The following STX3 variants were observed in gnomAD, a reference collection of about 807,000 sequenced individuals.
The protein encoded by STX3 is syntaxin-3.
In STX3, 19 loss-of-function variants were observed where a neutral mutation model predicts 40.2. The ratio of observed to expected loss-of-function variants is 0.47; its 90% CI spans 0.33 to 0.69. The LOEUF is 0.69. STX3 is among the 30% of genes least tolerant of loss of function. STX3 has a pLI of 0.02. For missense variants in STX3, 364 were observed against 366.7 expected (o/e 0.99, Z 0.06); for synonymous variants, 122 against 132.2 (o/e 0.92, Z 0.53).
intron 8 of STX3, among the ~76,000 whole-genome samples, chr11:59,793,715 C>A (rs1401051274): frequency 6.6e-6 from 1 of 152,102 alleles, no homozygotes. Context: ...TTAACCTTGT[C>A]ATTCTTGCCT....
In STX3 at chr11:59,802,081, C is replaced by A; in HGVS notation, c.*1257C>A. ...GCCTATGCTAGGCTTGTCCTGAGAA[C>A]ATCCCTCAGTAACTTGATATTCACA... is the stretch of plus-strand genomic sequence containing the variant. On this transcript the variant is annotated 3_prime_UTR_variant, in exon 11 of 11. Transcript: ENST00000337979. The A allele has an allele frequency of 1.0e-6, 1 of 985,448 alleles. No homozygotes were observed. Among genetic ancestry groups the A allele is most frequent in the Non-Finnish European group, 1.2e-6 (1 of 829,938 alleles). The allele number at this position is 985,448 out of a possible 1,614,324, so 61.0% of individuals were successfully genotyped here. A position where few individuals can be genotyped will look rare whatever the true frequency, so the allele number is the denominator to read the frequency against.
intron 6 of STX3, 53 bp from the exon 7 acceptor site, chr11:59,793,046 A>G: frequency 6.3e-7 from 1 of 1,578,418 alleles, no homozygotes; most frequent in Non-Finnish European, 8.7e-7. Context: ...TCCTTATCAG[A>G]TGGTGTTTCA....
At chr11:59,762,527 T>G (rs1433493623) in intron 1 of STX3, among the ~76,000 whole-genome samples, 1 of 152,204 alleles carries the variant, frequency 6.6e-6, no homozygotes, top group African/African-American at 2.4e-5. Context: ...TTGTCACTGT[T>G]ATTTAAGTAT....
upstream of STX3, chr11:59,755,340 G>C (rs1190552775): frequency 6.7e-6 from 2 of 299,948 alleles, no homozygotes; most frequent in Non-Finnish European, 1.2e-5. Context: ...CGGGTCCAGG[G>C]CGGATCAGCG....
chr11:59,784,168 A>G (rs1864607835), intron 2 of STX3, among the ~76,000 whole-genome samples: 1 of 152,172 alleles, frequency 6.6e-6, no homozygotes, highest in Non-Finnish European at 1.5e-5. Flanking sequence ...CATTGACTGA[A>G]CTTTGGGTCA....
At chr11:59,791,986 G>A (rs1005622933) in intron 5 of STX3, 121 bp from the exon 6 acceptor site, 3 of 820,466 alleles carry the variant, frequency 3.7e-6, no homozygotes, top group Non-Finnish European at 4.1e-6. Flanking sequence ...AACTTGGTTT[G>A]ACACCTGGTT....
intron 10 of STX3, among the ~76,000 whole-genome samples, chr11:59,799,311 C>T (rs1185370772): frequency 4.0e-5 from 6 of 149,638 alleles, no homozygotes; most frequent in African/African-American, 7.6e-5. Flanking sequence ...CCTTGTGGCA[C>T]GTTCACATAC....
chr11:59,758,190 T>C (rs1294404363), intron 1 of STX3, among the ~76,000 whole-genome samples: 1 of 152,118 alleles, frequency 6.6e-6, no homozygotes, highest in Non-Finnish European at 1.5e-5. Flanking sequence ...AAAGCGTTTT[T>C]AGTAGACAGA....
intron 1 of STX3, among the ~76,000 whole-genome samples, chr11:59,756,685 G>T (rs1440597096): frequency 1.3e-5 from 2 of 152,136 alleles, no homozygotes; most frequent in African/African-American, 2.4e-5. Context: ...TAGAACTGGG[G>T]TTGTCTCCTG....
At chr11:59,789,441 AC>A (rs1026776465) in intron 4 of STX3, among the ~76,000 whole-genome samples, 1 of 139,886 alleles carries the variant, frequency 7.1e-6, no homozygotes, top group African/African-American at 2.8e-5. Context: ...GCAACTACAT[AC>A]TTTTTTTTTT....
chr11:59,770,684 C>T (rs999695688), intron 1 of STX3, among the ~76,000 whole-genome samples: 2 of 152,074 alleles, frequency 1.3e-5, no homozygotes, highest in Admixed American at 6.6e-5. Flanking sequence ...GTTATTTATT[C>T]AGCTAAAATT....
intron 6 of STX3, 22 bp downstream of exon 6, chr11:59,792,237 T>C (rs1865225856): frequency 6.2e-7 from 1 of 1,603,460 alleles, no homozygotes; most frequent in Non-Finnish European, 8.5e-7. Flanking sequence ...AGGTTTGGCG[T>C]GTGCCCTCCA....
At chr11:59,765,569 C>T (rs952492839) in intron 1 of STX3, among the ~76,000 whole-genome samples, 2 of 152,104 alleles carry the variant, frequency 1.3e-5, no homozygotes, top group African/African-American at 2.4e-5. Context: ...TTTGGGAGAC[C>T]GAGGAGGGTG....
chr11:59,795,503 T>C, intron 9 of STX3, 21 bp downstream of exon 9: 6 of 1,600,028 alleles, frequency 3.7e-6, no homozygotes, highest in Non-Finnish European at 5.1e-6. Flanking sequence ...CCTGTGGCCT[T>C]CAGAGAAGAG....
intron 1 of STX3, among the ~76,000 whole-genome samples, chr11:59,771,014 A>G (rs1003016911): frequency 6.6e-6 from 1 of 152,054 alleles, no homozygotes; most frequent in Non-Finnish European, 1.5e-5. Context: ...TCCTTTCACA[A>G]TTCAGATTCC....
rs1267890567 is a variant in STX3, at chr11:59,802,454, A to G, written c.*1630A>G. 1.0e-6 allele frequency: 1 copy of G among 985,778 alleles called. No individual in the cohort carries two copies. Among genetic ancestry groups the G allele is most frequent in the East Asian group, 1.1e-4 (1 of 8,832 alleles). The allele number at this position is 985,778 out of a possible 1,614,324, so 61.1% of individuals were successfully genotyped here. ...TTGCAAAGGCTACTTATGGCCGGTC[A>G]CAATCCAGCACTCAGACAGAGCCAA... is the stretch of plus-strand genomic sequence containing the variant. On this transcript the variant is annotated 3_prime_UTR_variant, in exon 11 of 11. Coordinates refer to ENST00000337979, the MANE Select transcript of STX3 (RefSeq NM_004177.5).
intron 1 of STX3, among the ~76,000 whole-genome samples, chr11:59,762,065 C>T (rs758767162): frequency 5.3e-5 from 8 of 152,190 alleles, no homozygotes; most frequent in Admixed American, 2.0e-4. Context: ...TTCTAGGATG[C>T]GATCCAGGAC....
chr11:59,756,968 G>A (rs781458783), intron 1 of STX3, among the ~76,000 whole-genome samples: 2 of 152,184 alleles, frequency 1.3e-5, no homozygotes, highest in Non-Finnish European at 2.9e-5. Flanking sequence ...CACCTGTTCT[G>A]TGTAGCAGGG....
intron 2 of STX3, 33 bp from the exon 3 acceptor site, chr11:59,787,004 T>G: frequency 6.3e-7 from 1 of 1,585,468 alleles, no homozygotes; most frequent in African/African-American, 1.3e-5. Flanking sequence ...ACTTCCTCTT[T>G]GATGATGAAG....
Sources: allele counts gnomAD v4.1 joint callset (sites outside exome capture counted in the v4.1 genomes callset), GRCh38; gene constraint gnomAD v4.1.1; transcripts MANE v1.5; gene names NCBI Gene and HGNC (gene_info 2026-07-23, HGNC 2026-07-21).